Variants in ADGRL2 observed in about 807,000 individuals in gnomAD.
ADGRL2 encodes the protein calcium-independent alpha-latrotoxin receptor 2.
A neutral mutation model predicts 157.4 loss-of-function variants in ADGRL2; 44 were observed. The observed-to-expected ratio is 0.28, with a 90% CI of 0.22 to 0.36. ADGRL2 has a LOEUF of 0.36. ADGRL2 is among the 10% of genes least tolerant of loss of function. The pLI is 1.00. For synonymous variants in ADGRL2, 585 were observed against 624.7 expected, an observed-to-expected ratio of 0.94 and a Z score of 0.95; for missense variants, 1,510 against 1,768.9, an observed-to-expected ratio of 0.85 and a Z score of 2.63.
At chr1:81,928,372 T>C (rs2095156873) in intron 3 of ADGRL2, among the ~76,000 whole-genome samples, 1 of 152,122 alleles carries the variant, frequency 6.6e-6, no homozygotes, top group Admixed American at 6.5e-5. Flanking sequence ...GTGTTTATTT[T>C]CTATTAACCA....
At chr1:81,657,617 T>C (rs2148866526) in intron 3 of ADGRL2, among the ~76,000 whole-genome samples, 1 of 152,188 alleles carries the variant, frequency 6.6e-6, no homozygotes, top group Admixed American at 6.5e-5. Context: ...CAGAGTCAAT[T>C]ACAAGAGGGG....
intron 3 of ADGRL2, among the ~76,000 whole-genome samples, chr1:81,676,610 A>G (rs35665172): frequency 0.12 from 17,413 of 151,112 alleles, 1,117 homozygotes; most frequent in South Asian, 0.15. Context: ...CCTGATTAAC[A>G]AGGTTTTAAG....
intron 6 of ADGRL2, among the ~76,000 whole-genome samples, chr1:81,946,190 A>G (rs2172285): frequency 0.38 from 58,024 of 151,986 alleles, 11,435 homozygotes; most frequent in Middle Eastern, 0.44. Flanking sequence ...AAATTGTGCT[A>G]TAAAATTATC....
chr1:81,983,938 G>C (rs1662351939), intron 19 of ADGRL2, among the ~76,000 whole-genome samples: 1 of 151,974 alleles, frequency 6.6e-6, no homozygotes, highest in Non-Finnish European at 1.5e-5. Context: ...TGCTAATGAA[G>C]TGAATAGACA....
In ADGRL2 at chr1:81,984,644, A is replaced by C. The variant is rs1199013556; in HGVS notation, c.3344A>C (p.Glu1115Ala). ...HSYCCGGLPT[E>A]SPHSSVKAST... is the part of the protein sequence containing the mutation. The stretch of plus-strand genomic sequence containing the variant: ...TACTGCTGTGGAGGCCTCCCAACTG[A>C]GAGTCCCCACAGTTCAGTGAAGGCA... Residue 1115 changes from glutamate (E) to alanine (A), a missense_variant, in exon 20 of 24, where the codon GAG (glutamate) becomes GCG (alanine). By Grantham distance (107) the Glu-to-Ala change is moderately radical (BLOSUM62 -1). Transcript: ENST00000686636. 1.2e-6 allele frequency: 2 copies of C among 1,612,616 alleles called. No homozygotes were observed. The highest frequency in any genetic ancestry group is 1.7e-6 in the Non-Finnish European group (2 of 1,178,948).
chr1:81,675,895 G>A (rs1313347947), intron 3 of ADGRL2, among the ~76,000 whole-genome samples: 1 of 151,854 alleles, frequency 6.6e-6, no homozygotes, highest in Non-Finnish European at 1.5e-5. Context: ...ACAGTTTTAA[G>A]AAAATGATTT....
intron 2 of ADGRL2, among the ~76,000 whole-genome samples, chr1:81,766,274 A>C (rs2086113210): frequency 6.6e-6 from 1 of 152,142 alleles, no homozygotes; most frequent in Non-Finnish European, 1.5e-5. Context: ...ATTGCCTTTG[A>C]AGACAGAATA....
intron 3 of ADGRL2, among the ~76,000 whole-genome samples, chr1:81,691,880 G>T (rs1162489): frequency 8.3e-6 from 1 of 119,880 alleles, no homozygotes. Context: ...GTGTGTGTGT[G>T]TATATATATA....
At chr1:81,740,923 A>G (rs2085052737) in intron 1 of ADGRL2, among the ~76,000 whole-genome samples, 1 of 152,190 alleles carries the variant, frequency 6.6e-6, no homozygotes, top group Admixed American at 6.6e-5. Flanking sequence ...GTGATGGATT[A>G]TAGAGCAGAA....
chr1:81,340,836 C>T (rs930370847), intron 1 of ADGRL2, among the ~76,000 whole-genome samples: 1 of 151,632 alleles, frequency 6.6e-6, no homozygotes, highest in Non-Finnish European at 1.5e-5. Context: ...TAGGTTGATG[C>T]CCAATAAATT....
At chr1:81,842,251 G>A (rs1039066498) in intron 2 of ADGRL2, among the ~76,000 whole-genome samples, 7 of 151,710 alleles carry the variant, frequency 4.6e-5, no homozygotes, top group Non-Finnish European at 1.0e-4. Context: ...TGTTTCTTGG[G>A]AGTTAGTATC....
intron 3 of ADGRL2, among the ~76,000 whole-genome samples, chr1:81,658,100 C>A (rs2148867919): frequency 6.6e-6 from 1 of 152,116 alleles, no homozygotes; most frequent in South Asian, 2.1e-4. Flanking sequence ...TAAACATTAT[C>A]TTTTTTGCGG....
At chr1:81,350,632 CAT>C (rs1450825619) in intron 1 of ADGRL2, among the ~76,000 whole-genome samples, 6 of 152,180 alleles carry the variant, frequency 3.9e-5, no homozygotes, top group Non-Finnish European at 7.4e-5. Context: ...CACGTAGAAA[CAT>C]AGTCTACCAA....
chr1:81,823,340 T>TTCCC (rs1430302385), intron 1 of ADGRL2, among the ~76,000 whole-genome samples: 4 of 148,496 alleles, frequency 2.7e-5, no homozygotes, highest in African/African-American at 9.9e-5. Flanking sequence ...TCCTTCCTTC[T>TTCCC]TCCCTCCCTC....
At chr1:81,721,852 C>A in intron 1 of ADGRL2, 1 of 849,968 alleles carries the variant, frequency 1.2e-6, no homozygotes, top group Non-Finnish European at 2.0e-6. Context: ...AAGAAAATAC[C>A]AAGGGGAAAA....
chr1:81,493,152 G>A (rs1435534569), intron 2 of ADGRL2, among the ~76,000 whole-genome samples: 1 of 152,152 alleles, frequency 6.6e-6, no homozygotes, highest in Admixed American at 6.6e-5. Flanking sequence ...CCTCCAACAG[G>A]TTTGTGAAAT....
intron 3 of ADGRL2, among the ~76,000 whole-genome samples, chr1:81,924,731 A>G (rs976926017): frequency 2.6e-5 from 4 of 152,038 alleles, no homozygotes; most frequent in African/African-American, 7.2e-5. Context: ...TGGATTTTTC[A>G]GGGGTTTGGA....
intron 2 of ADGRL2, among the ~76,000 whole-genome samples, chr1:81,523,403 T>C (rs148548297): frequency 9.9e-5 from 15 of 152,132 alleles, no homozygotes; most frequent in African/African-American, 3.4e-4. Flanking sequence ...TAAAGTATTA[T>C]AATATTGGCA....
At position 81,992,814 on chromosome 1, in the gene ADGRL2, C is replaced by G. The variant is rs1016087087; in HGVS notation, c.*1669C>G. ...ATATCCCTATAGACAGCTGTGAATA[C>G]CAATATACATTACCCTGGAAAAGTT... On this transcript the variant is annotated 3_prime_UTR_variant, in exon 24 of 24. Transcript: ENST00000686636. 2.0e-5 allele frequency among the ~76,000 whole-genome samples: 3 copies of G among 151,426 alleles called. No homozygotes were observed. Among genetic ancestry groups the G allele is most frequent in the African/African-American group, 7.3e-5 (3 of 41,174 alleles).
Sources: allele counts gnomAD v4.1 joint callset (sites outside exome capture counted in the v4.1 genomes callset), GRCh38; gene constraint gnomAD v4.1.1; transcripts MANE v1.5; gene names NCBI Gene and HGNC (gene_info 2026-07-23, HGNC 2026-07-21).